The following TENM4 variants were observed in gnomAD, a reference collection of about 807,000 sequenced individuals.
TENM4 encodes the protein teneurin-4.
TENM4 carries 82 observed loss-of-function variants against 243.3 expected under a neutral mutation model. That is an observed-to-expected ratio of 0.34 (90% CI 0.28 to 0.40). The LOEUF (loss-of-function observed/expected upper bound fraction) is 0.40, where lower values mean the gene tolerates loss of function less well. TENM4 is among the 10% of genes least tolerant of loss of function. The pLI, the probability that TENM4 is intolerant of heterozygous loss-of-function variation, is 1.00. For synonymous variants in TENM4, 1,412 were observed against 1,456.3 expected, an observed-to-expected ratio of 0.97 and a Z score of 0.69; for missense variants, 3,138 against 3,673.3, an observed-to-expected ratio of 0.85 and a Z score of 3.77.
At chr11:78,999,544 ACC>A (rs1565161099) in intron 6 of TENM4, among the ~76,000 whole-genome samples, 9 of 152,134 alleles carry the variant, frequency 5.9e-5, no homozygotes, top group African/African-American at 2.2e-4. Flanking sequence ...AAACAAAAAA[ACC>A]ACCAAAGATA....
intron 27 of TENM4, among the ~76,000 whole-genome samples, chr11:78,704,447 C>G (rs1303968421): frequency 6.6e-6 from 1 of 151,732 alleles, no homozygotes; most frequent in Non-Finnish European, 1.5e-5. Context: ...AACTCAAATG[C>G]CCAACAACTG....
intron 1 of TENM4, among the ~76,000 whole-genome samples, chr11:79,412,801 T>C (rs552379466): frequency 6.6e-6 from 1 of 152,358 alleles, no homozygotes; most frequent in African/African-American, 2.4e-5. Context: ...TTTCTTCTCC[T>C]ATCTGCTCCC....
intron 6 of TENM4, among the ~76,000 whole-genome samples, chr11:79,011,198 C>T (rs761071795): frequency 2.0e-5 from 3 of 152,208 alleles, no homozygotes; most frequent in Non-Finnish European, 4.4e-5. Context: ...ATGGGCTCTG[C>T]CCCACCCTCC....
At chr11:79,302,388 A>G (rs1242887591) in intron 1 of TENM4, among the ~76,000 whole-genome samples, 1 of 152,174 alleles carries the variant, frequency 6.6e-6, no homozygotes, top group African/African-American at 2.4e-5. Flanking sequence ...TCCATGTCTC[A>G]TGCTTTTCTG....
chr11:78,660,200 G>A (rs146095645), intron 33 of TENM4, among the ~76,000 whole-genome samples: 47 of 152,286 alleles, frequency 3.1e-4, no homozygotes, highest in Admixed American at 2.5e-3. Context: ...GGAGAGGCTG[G>A]GCAGCAGAAA....
intron 3 of TENM4, among the ~76,000 whole-genome samples, chr11:79,182,643 C>T (rs1400119241): frequency 2.0e-5 from 3 of 152,122 alleles, no homozygotes; most frequent in Non-Finnish European, 4.4e-5. Context: ...AAGCCATAGA[C>T]TGAGAGAAAA....
At chr11:78,935,327 T>C (rs1463927005) in intron 6 of TENM4, among the ~76,000 whole-genome samples, 3 of 152,194 alleles carry the variant, frequency 2.0e-5, no homozygotes, top group Non-Finnish European at 4.4e-5. Context: ...ATGCAACTTT[T>C]AAGAGTTTCT....
chr11:79,033,517 A>C (rs900608751), intron 6 of TENM4, among the ~76,000 whole-genome samples: 1 of 152,248 alleles, frequency 6.6e-6, no homozygotes, highest in African/African-American at 2.4e-5. Context: ...ACTGATAATG[A>C]AATGGCTACT....
chr11:78,853,974 T>G (rs1018729253), intron 12 of TENM4, 130 bp downstream of exon 12: 4 of 867,246 alleles, frequency 4.6e-6, no homozygotes, highest in South Asian at 2.0e-5. Context: ...GTCAGGAGGG[T>G]CTCGTGCCAA....
intron 16 of TENM4, among the ~76,000 whole-genome samples, chr11:78,781,279 C>A (rs1035742833): frequency 6.6e-6 from 1 of 152,182 alleles, no homozygotes; most frequent in African/African-American, 2.4e-5. Context: ...AGGACTTCAT[C>A]AATTCCTGCA....
intron 1 of TENM4, among the ~76,000 whole-genome samples, chr11:79,406,314 T>C (rs1235008811): frequency 6.6e-6 from 1 of 152,170 alleles, no homozygotes; most frequent in African/African-American, 2.4e-5. Context: ...ATGTATCTCA[T>C]TATCTTAAGT....
chr11:79,375,737 G>A (rs372650287), intron 1 of TENM4, among the ~76,000 whole-genome samples: 8 of 152,286 alleles, frequency 5.3e-5, no homozygotes, highest in African/African-American at 1.9e-4. Flanking sequence ...CTGTATAAAT[G>A]CAATAAAAGA....
intron 3 of TENM4, among the ~76,000 whole-genome samples, chr11:79,150,916 G>A (rs7949285): frequency 0.2 from 30,638 of 152,010 alleles, 3,231 homozygotes; most frequent in African/African-American, 0.23. Flanking sequence ...ATAACCACAC[G>A]AGGTAGACAT....
At position 79,148,766 on chromosome 11, in the gene TENM4, G is replaced by C. The variant is rs1862441062; in HGVS notation, c.-122C>G. 1 of 982,862 alleles carries C rather than the reference G, an allele frequency of 1.0e-6. No homozygotes were observed. Among genetic ancestry groups the C allele is most frequent in the Admixed American group, 6.2e-5 (1 of 16,232 alleles). The allele number at this position is 982,862 out of a possible 1,614,324, so 60.9% of individuals were successfully genotyped here. A position where few individuals can be genotyped will look rare whatever the true frequency, so the allele number is the denominator to read the frequency against. ...AATAGTCCTTCAAATAATCCTTGAA[G>C]TATGCAATTTTAATTTGGACACATG... is the stretch of plus-strand genomic sequence containing the variant. On this transcript the variant is annotated 5_prime_UTR_variant, in exon 4 of 34. It introduces an in-frame stop codon into an upstream open reading frame of the 5' UTR. Transcript: ENST00000278550.
intron 3 of TENM4, among the ~76,000 whole-genome samples, chr11:79,165,771 G>C (rs1862897456): frequency 6.6e-6 from 1 of 152,144 alleles, no homozygotes; most frequent in African/African-American, 2.4e-5. Context: ...TATTGTTTCA[G>C]GTCTTAGGCT....
At chr11:79,061,713 T>C (rs1860091676) in intron 6 of TENM4, among the ~76,000 whole-genome samples, 1 of 152,192 alleles carries the variant, frequency 6.6e-6, no homozygotes, top group African/African-American at 2.4e-5. Flanking sequence ...CCAAGTATTT[T>C]GCTACAGAGG....
At chr11:79,212,817 C>T (rs1055854009) in intron 3 of TENM4, among the ~76,000 whole-genome samples, 2 of 152,192 alleles carry the variant, frequency 1.3e-5, no homozygotes, top group Admixed American at 6.5e-5. Flanking sequence ...CATTTACCTC[C>T]TCCCCCTGAT....
chr11:79,001,601 C>T (rs571052881), intron 6 of TENM4, among the ~76,000 whole-genome samples: 9 of 152,306 alleles, frequency 5.9e-5, no homozygotes, highest in South Asian at 2.1e-4. Flanking sequence ...CAGTAGAGCA[C>T]GGCCAGGGAT....
At chr11:79,179,999 T>C (rs1863249523) in intron 3 of TENM4, among the ~76,000 whole-genome samples, 1 of 151,762 alleles carries the variant, frequency 6.6e-6, no homozygotes, top group African/African-American at 2.4e-5. Flanking sequence ...AATGGAATCA[T>C]GATCTCTCTG....
Sources: allele counts gnomAD v4.1 joint callset (sites outside exome capture counted in the v4.1 genomes callset), GRCh38; gene constraint gnomAD v4.1.1; transcripts MANE v1.5; gene names NCBI Gene and HGNC (gene_info 2026-07-23, HGNC 2026-07-21).